Variants in CUL5 observed in about 807,000 individuals in gnomAD.
CUL5 encodes cullin 5, also known as cullin-5.
In CUL5, 26 loss-of-function variants were observed where a neutral mutation model predicts 108.8. The ratio of observed to expected loss-of-function variants is 0.24; its 90% confidence interval spans 0.18 to 0.33. CUL5 has a LOEUF of 0.33. Ranked by LOEUF, CUL5 falls within the 10% of genes least tolerant of loss-of-function variation. CUL5 has a pLI of 1.00. For missense variants in CUL5, 524 were observed against 909.2 expected (o/e 0.58, Z 5.45); for synonymous variants, 334 against 298.0 (o/e 1.12, Z -1.25).
At chr11:108,037,301 A>G (rs1862771703) in intron 2 of CUL5, among the ~76,000 whole-genome samples, 1 of 152,114 alleles carries the variant, frequency 6.6e-6, no homozygotes, top group Admixed American at 6.5e-5. Flanking sequence ...GCTGTTTCAT[A>G]CTGTGAATGA....
intron 7 of CUL5, among the ~76,000 whole-genome samples, chr11:108,060,677 A>G (rs2135154374): frequency 6.6e-6 from 1 of 152,258 alleles, no homozygotes; most frequent in East Asian, 1.9e-4. Flanking sequence ...TTCTACTAAA[A>G]ATACAAAAAA....
intron 1 of CUL5, among the ~76,000 whole-genome samples, chr11:108,032,830 A>G (rs1334031180): frequency 6.6e-6 from 1 of 152,036 alleles, no homozygotes; most frequent in Non-Finnish European, 1.5e-5. Flanking sequence ...TGTTAGCATT[A>G]TAAAAGGAGA....
chr11:108,090,472 CAG>C (rs1295280563), intron 13 of CUL5, among the ~76,000 whole-genome samples: 1 of 152,070 alleles, frequency 6.6e-6, no homozygotes, highest in Non-Finnish European at 1.5e-5. Flanking sequence ...GCCTGGGTGA[CAG>C]AGCAAGACTC....
At position 108,052,718 on chromosome 11, in the gene CUL5, A is replaced by T; in HGVS notation, c.470A>T (p.Asp157Val). The T allele has an allele frequency of 6.2e-7, 1 of 1,613,554 alleles. No homozygotes were observed. The highest frequency in any genetic ancestry group is 8.5e-7 in the Non-Finnish European group (1 of 1,179,564). ...TCAAACATAAAAAACAGACTCCAAG[A>T]TAGTGCAATGAAGCTGGTACATGCT... Reference protein sequence around the residue: ...IFSNIKNRLQDSAMKLVHAER... With the variant: ...IFSNIKNRLQVSAMKLVHAER... Residue 157 changes from aspartate to valine, a missense_variant, in exon 5 of 19, where the codon GAT (aspartate) becomes GTT (valine). Asp to Val is a radical substitution (Grantham distance 152, BLOSUM62 -3). Transcript: ENST00000393094.
rs1346954012 is a variant in CUL5, at chr11:108,091,183, C to T, written c.1443+1560C>T. Among the ~76,000 whole-genome samples, 3 of 152,004 alleles carry T rather than the reference C, an allele frequency of 2.0e-5. No homozygotes were observed. The South Asian group carries it at 6.2e-4, about 31-fold the overall frequency. ...TCTCCTGTCTCAGCCTCCTAAGTAG[C>T]TGGGACTACAGGTTTGTGCCATGAC... On this transcript the variant is annotated intron_variant, in intron 13 of 18. Coordinates refer to ENST00000393094, the MANE Select transcript of CUL5 (RefSeq NM_003478.6).
chr11:108,019,688 A>G (rs1565231913), intron 1 of CUL5, among the ~76,000 whole-genome samples: 1 of 152,218 alleles, frequency 6.6e-6, no homozygotes. Flanking sequence ...ATATAATTGT[A>G]TACAGTACAT....
At chr11:108,028,029 A>C (rs1262028335) in intron 1 of CUL5, among the ~76,000 whole-genome samples, 1 of 152,118 alleles carries the variant, frequency 6.6e-6, no homozygotes, top group Non-Finnish European at 1.5e-5. Flanking sequence ...TTGGGTCTCC[A>C]TCTTTATGTA....
intron 7 of CUL5, among the ~76,000 whole-genome samples, chr11:108,063,981 G>C (rs891392142): frequency 7.2e-5 from 11 of 152,172 alleles, no homozygotes; most frequent in African/African-American, 2.7e-4. Context: ...GCAAACAAGC[G>C]TAGTTTGACA....
intron 4 of CUL5, among the ~76,000 whole-genome samples, chr11:108,051,927 G>T (rs1565247525): frequency 6.6e-6 from 1 of 152,128 alleles, no homozygotes; most frequent in Non-Finnish European, 1.5e-5. Flanking sequence ...TAACAGCTGG[G>T]ATTCAAATCC....
chr11:108,042,264 G>A (rs1263028718), intron 2 of CUL5, among the ~76,000 whole-genome samples: 1 of 134,028 alleles, frequency 7.5e-6, no homozygotes, highest in Non-Finnish European at 1.5e-5. Context: ...CTGTTGTCCA[G>A]GCTGCAGCGC....
Position 108,054,880 on chromosome 11 carries a change from T to G in CUL5, c.705T>G (p.Asp235Glu), listed in dbSNP as rs764129188. ...GCTATTTTGCTTCTGGACAGGCAGA[T>G]GCTAAATTAAAAGAAGAAGAAAAAC... ...NGVQNYMKYA[D>E]AKLKEEEKRA... The change falls in exon 7 of 19, where the codon GAT (aspartate) becomes GAG (glutamate). Residue 235 changes from aspartate (D) to glutamate (E), a missense_variant. Transcript: ENST00000393094. The G allele has an allele frequency of 1.9e-6, 3 of 1,608,298 alleles. No individual in the cohort carries two copies. Among genetic ancestry groups the G allele is most frequent in the Non-Finnish European group, 2.5e-6 (3 of 1,178,600 alleles).
chr11:108,015,748 A>G (rs1187869246), intron 1 of CUL5, among the ~76,000 whole-genome samples: 2 of 152,240 alleles, frequency 1.3e-5, no homozygotes. Flanking sequence ...AAATGATTGA[A>G]CAATTACCAT....
At chr11:108,058,373 C>G (rs529360284) in intron 7 of CUL5, among the ~76,000 whole-genome samples, 1 of 149,760 alleles carries the variant, frequency 6.7e-6, no homozygotes, top group South Asian at 2.1e-4. Flanking sequence ...CTCAGCCTCC[C>G]GAGTAGCTGG....
intron 7 of CUL5, among the ~76,000 whole-genome samples, chr11:108,061,621 C>G (rs974407213): frequency 6.6e-6 from 1 of 151,968 alleles, no homozygotes; most frequent in Non-Finnish European, 1.5e-5. Context: ...CTTTCTTTTC[C>G]ATTCCTTCCT....
At chr11:108,099,658 A>G (rs1476888784) in intron 18 of CUL5, among the ~76,000 whole-genome samples, 1 of 152,200 alleles carries the variant, frequency 6.6e-6, no homozygotes, top group Non-Finnish European at 1.5e-5. Context: ...TGATAAATAT[A>G]TATACCTATG....
Position 108,046,411 on chromosome 11 carries a change from T to C in CUL5, c.234+42T>C, listed in dbSNP as rs749131779. ...TATTTTAGACTTGTTTTAAAACTAC[T>C]CAGATAATATCATATTTTATTATTT... On this transcript the variant is annotated intron_variant, in intron 3 of 18. Transcript: ENST00000393094. The C allele has an allele frequency of 1.3e-5, 14 of 1,058,258 alleles. No homozygotes were observed. The Admixed American group carries it at 2.2e-4, about 17-fold the overall frequency. 65.6% of individuals were successfully genotyped at this position (1,058,258 alleles called of 1,614,324 possible). A position where few individuals can be genotyped will look rare whatever the true frequency, so the allele number is the denominator to read the frequency against.
At chr11:108,050,108 AAG>A (rs761962456) in intron 4 of CUL5, 42 bp downstream of exon 4, 41 of 1,484,326 alleles carry the variant, frequency 2.8e-5, no homozygotes, top group Admixed American at 6.8e-5. Context: ...ATTCTTCAGA[AAG>A]AGGGTAATTT....
intron 13 of CUL5, among the ~76,000 whole-genome samples, chr11:108,090,961 C>T (rs1156565454): frequency 6.6e-6 from 1 of 152,166 alleles, no homozygotes; most frequent in Non-Finnish European, 1.5e-5. Flanking sequence ...CTTACTGTCA[C>T]TTATAAGTAT....
rs367713492 is a variant in CUL5, at chr11:108,060,552, C to G, written c.780+5597C>G. Among the ~76,000 whole-genome samples, 153 of 152,108 alleles carry G rather than the reference C, an allele frequency of 1.0e-3. 3 individuals are homozygous for G. The highest frequency in any genetic ancestry group is 3.6e-3 in the African/African-American group (149 of 41,520). On this transcript the variant is annotated intron_variant, in intron 7 of 18. Transcript: ENST00000393094. ...AATTGAATACCACTAAAAGAAGAAT[C>G]TGGCTGGATGCCGTGGCCCACGCCT...
Sources: allele counts gnomAD v4.1 joint callset (sites outside exome capture counted in the v4.1 genomes callset), GRCh38; gene constraint gnomAD v4.1.1; transcripts MANE v1.5; gene names NCBI Gene and HGNC (gene_info 2026-07-23, HGNC 2026-07-21).